The following ITFG1 variants were observed in gnomAD, a reference collection of about 807,000 sequenced individuals.
ITFG1 encodes the protein T-cell immunomodulatory protein.
In ITFG1, 34 loss-of-function variants were observed where a neutral mutation model predicts 81.8. That is an observed-to-expected ratio of 0.42 (90% CI 0.32 to 0.55). ITFG1 has a LOEUF of 0.55. Among genes scored for constraint, ITFG1 ranks in the 20% least tolerant of loss-of-function variants. ITFG1 has a pLI of 0.17. For synonymous variants in ITFG1, 285 were observed against 270.6 expected (o/e 1.05, Z -0.52); for missense variants, 672 against 755.4 (o/e 0.89, Z 1.29).
intron 14 of ITFG1, among the ~76,000 whole-genome samples, chr16:47,200,269 A>C (rs1374875911): frequency 6.6e-6 from 1 of 152,232 alleles, no homozygotes. Context: ...ATGCATGACT[A>C]TACTTGATAG....
rs180713067 is a variant in ITFG1 at position 47,310,878 on chromosome 16, T to A, written c.1070+362A>T. On this transcript the variant is annotated intron_variant, in intron 10 of 17. Coordinates refer to ENST00000320640, the MANE Select transcript of ITFG1 (RefSeq NM_030790.5). ...CAGATGGTAAGTGGTTGGACTGAGATCAAAGCCTAGAGTCAGTTCTTAACC... is the reference window on the plus strand; with the variant it reads ...CAGATGGTAAGTGGTTGGACTGAGAACAAAGCCTAGAGTCAGTTCTTAACC... Among the ~76,000 whole-genome samples, 312 of 152,280 alleles carry A rather than the reference T, an allele frequency of 2.0e-3. 4 individuals are homozygous for A. The highest frequency in any genetic ancestry group is 2.8e-4 in the Non-Finnish European group (19 of 68,010).
At chr16:47,446,948 G>C (rs1969332247) in intron 5 of ITFG1, among the ~76,000 whole-genome samples, 1 of 151,564 alleles carries the variant, frequency 6.6e-6, no homozygotes, top group Admixed American at 6.6e-5. Flanking sequence ...CTGCAGCCTG[G>C]ACCTTCCTGG....
intron 10 of ITFG1, among the ~76,000 whole-genome samples, chr16:47,296,295 T>G (rs753364332): frequency 1.3e-5 from 2 of 151,878 alleles, no homozygotes; most frequent in Non-Finnish European, 1.5e-5. Flanking sequence ...CTCTTAGCAC[T>G]GCTTTTGCTA....
chr16:47,237,745 A>C (rs749122612), intron 13 of ITFG1, among the ~76,000 whole-genome samples: 5 of 152,188 alleles, frequency 3.3e-5, no homozygotes, highest in Non-Finnish European at 7.3e-5. Flanking sequence ...TCATTCTGCT[A>C]AGGATATCAG....
intron 8 of ITFG1, among the ~76,000 whole-genome samples, chr16:47,324,360 T>C (rs960653664): frequency 1.4e-4 from 22 of 151,888 alleles, no homozygotes; most frequent in Non-Finnish European, 2.4e-4. Context: ...AAGGAACAAC[T>C]GGTACCAGCC....
At chr16:47,183,137 G>A (rs954349713) in intron 14 of ITFG1, among the ~76,000 whole-genome samples, 1 of 152,214 alleles carries the variant, frequency 6.6e-6, no homozygotes, top group Non-Finnish European at 1.5e-5. Flanking sequence ...CTACGCCCAC[G>A]GAGTCTCGCT....
At position 47,315,768 on chromosome 16, in the gene ITFG1, C is replaced by CATAT. The variant is rs546244760; in HGVS notation, c.803-1949_803-1946dup. Among the ~76,000 whole-genome samples the CATAT allele has an allele frequency of 9.4e-4, 136 of 144,536 alleles. 2 individuals carry two copies. The highest frequency in any genetic ancestry group is 3.6e-3 in the African/African-American group (125 of 35,110). The allele number at this position is 144,536 out of a possible 152,430, so 94.8% of individuals were successfully genotyped here. Reference sequence around the variant, plus strand: ...GTGTTTCTTGTGCTATTCTAAATGCCATATATATATACACATATATATAAT... The same window carrying CATAT: ...GTGTTTCTTGTGCTATTCTAAATGCCATATATATATATATACACATATATATAAT... On this transcript the variant is annotated intron_variant, in intron 8 of 17. Transcript: ENST00000320640.
At chr16:47,244,772 T>C (rs906890105) in intron 12 of ITFG1, among the ~76,000 whole-genome samples, 1 of 151,878 alleles carries the variant, frequency 6.6e-6, no homozygotes, top group Non-Finnish European at 1.5e-5. Flanking sequence ...CAATTAAGGT[T>C]AAATGAGGTC....
intron 8 of ITFG1, among the ~76,000 whole-genome samples, chr16:47,362,715 T>C (rs1968124847): frequency 6.6e-6 from 1 of 152,220 alleles, no homozygotes; most frequent in Non-Finnish European, 1.5e-5. Context: ...TAGGATAATC[T>C]ATGTTTCCAC....
At chr16:47,267,622 C>T (rs1966292505) in intron 10 of ITFG1, among the ~76,000 whole-genome samples, 1 of 152,098 alleles carries the variant, frequency 6.6e-6, no homozygotes, top group Admixed American at 6.5e-5. Context: ...TTTGACGTAA[C>T]ATGAAATATT....
intron 10 of ITFG1, among the ~76,000 whole-genome samples, chr16:47,261,458 T>A (rs1966208426): frequency 6.6e-6 from 1 of 152,218 alleles, no homozygotes; most frequent in Non-Finnish European, 1.5e-5. Context: ...TGAAAGTGTT[T>A]ATATTATCTT....
chr16:47,426,641 T>C (rs1188501878), intron 6 of ITFG1, among the ~76,000 whole-genome samples: 3 of 151,772 alleles, frequency 2.0e-5, no homozygotes, highest in Non-Finnish European at 4.4e-5. Context: ...ATAAAAAATT[T>C]ACTAGATAAA....
At chr16:47,430,719 G>A (rs1969084880) in intron 5 of ITFG1, among the ~76,000 whole-genome samples, 1 of 152,156 alleles carries the variant, frequency 6.6e-6, no homozygotes, top group Non-Finnish European at 1.5e-5. Flanking sequence ...ATTTAACTCA[G>A]AATGGATGAA....
chr16:47,242,179 C>T (rs2151535516), intron 12 of ITFG1, among the ~76,000 whole-genome samples: 1 of 151,704 alleles, frequency 6.6e-6, no homozygotes. Flanking sequence ...TTTTAAAAGA[C>T]TAGTGACAAA....
intron 10 of ITFG1, among the ~76,000 whole-genome samples, chr16:47,274,150 G>A (rs1032195127): frequency 4.6e-5 from 7 of 151,904 alleles, no homozygotes; most frequent in Admixed American, 2.6e-4. Context: ...CCAACTACTC[G>A]GGAGGCTGAG....
chr16:47,278,548 C>T (rs1190851303), intron 10 of ITFG1, among the ~76,000 whole-genome samples: 1 of 152,050 alleles, frequency 6.6e-6, no homozygotes, highest in Non-Finnish European at 1.5e-5. Flanking sequence ...CGAGGCAGGC[C>T]GACTTGTTTC....
In ITFG1 at chr16:47,288,546, T is replaced by C. The variant is rs533585629; in HGVS notation, c.1070+22694A>G. 2.7e-4 allele frequency among the ~76,000 whole-genome samples: 41 copies of C among 152,318 alleles called. 2 individuals are homozygous for C. In the South Asian group the frequency reaches 8.3e-3, roughly 31 times the overall value. On this transcript the variant is annotated intron_variant, in intron 10 of 17. Coordinates refer to ENST00000320640, the MANE Select transcript of ITFG1 (RefSeq NM_030790.5). ...TGTTTTCCGTAATGGCTGTACTAAT[T>C]TACTTTCCCACCATCAATGTATAAG...
At chr16:47,206,329 A>G (rs1015104593) in intron 14 of ITFG1, among the ~76,000 whole-genome samples, 20 of 152,196 alleles carry the variant, frequency 1.3e-4, no homozygotes, top group African/African-American at 4.3e-4. Context: ...CTACCCTGCT[A>G]CCTATGGCTC....
At chr16:47,412,695 C>CAAAAAAAAAA (rs34669796) in intron 6 of ITFG1, among the ~76,000 whole-genome samples, 1 of 106,114 alleles carries the variant, frequency 9.4e-6, no homozygotes, top group Non-Finnish European at 2.0e-5. Context: ...GACTCTGTCT[C>CAAAAAAAAAA]AAAAAAAAAA....
Sources: allele counts gnomAD v4.1 joint callset (sites outside exome capture counted in the v4.1 genomes callset), GRCh38; gene constraint gnomAD v4.1.1; transcripts MANE v1.5; gene names NCBI Gene and HGNC (gene_info 2026-07-23, HGNC 2026-07-21).